Variants in RAMP1 observed in about 807,000 individuals in gnomAD.
RAMP1 encodes the protein receptor activity modifying protein 1, also known as receptor activity-modifying protein 1.
Under a neutral mutation model 8.2 loss-of-function variants are expected in RAMP1, and 7 were observed. The observed-to-expected ratio is 0.85, with a 90% CI of 0.49 to 1.60. RAMP1 has a LOEUF of 1.60. RAMP1 is among the 40% of genes most tolerant of loss of function. RAMP1 has a pLI of 0.00. For missense variants in RAMP1, 192 were observed against 202.4 expected, an observed-to-expected ratio of 0.95 and a Z score of 0.31; for synonymous variants, 92 against 84.7, an observed-to-expected ratio of 1.09 and a Z score of -0.47.
intron 2 of RAMP1, among the ~76,000 whole-genome samples, chr2:237,895,507 C>T (rs1339213040): frequency 6.6e-6 from 1 of 152,176 alleles, no homozygotes; most frequent in Non-Finnish European, 1.5e-5. Context: ...GAGCTCCAAA[C>T]GAGGTGAGAT....
chr2:237,893,516 C>T (rs1420508320), intron 2 of RAMP1, among the ~76,000 whole-genome samples: 1 of 152,194 alleles, frequency 6.6e-6, no homozygotes, highest in Non-Finnish European at 1.5e-5. Flanking sequence ...ATTATTTTTG[C>T]CTTCTTTCAC....
intron 2 of RAMP1, among the ~76,000 whole-genome samples, chr2:237,892,036 T>G (rs575961605): frequency 1.3e-5 from 2 of 152,314 alleles, no homozygotes; most frequent in East Asian, 3.9e-4. Flanking sequence ...TACTTGAAGT[T>G]TACTGGTAAC....
At chr2:237,859,557 C>T, upstream of RAMP1, 4 of 645,862 alleles carry the variant, frequency 6.2e-6, no homozygotes, top group Non-Finnish European at 7.8e-6. Context: ...GCCGCCGCCT[C>T]CCACCGCTCC....
intron 2 of RAMP1, among the ~76,000 whole-genome samples, chr2:237,908,743 T>C (rs1266106245): frequency 6.6e-6 from 1 of 152,180 alleles, no homozygotes; most frequent in African/African-American, 2.4e-5. Flanking sequence ...AGCCAAGGCC[T>C]CTGTTTTCTA....
intron 1 of RAMP1, among the ~76,000 whole-genome samples, chr2:237,869,324 G>T (rs1165800188): frequency 6.6e-6 from 1 of 152,180 alleles, no homozygotes. Context: ...ATTTTTAAGT[G>T]TACAGTTCTA....
chr2:237,886,782 G>T (rs2062437187), intron 2 of RAMP1, among the ~76,000 whole-genome samples: 2 of 152,258 alleles, frequency 1.3e-5, no homozygotes, highest in African/African-American at 2.4e-5. Context: ...ATCCTCCTGA[G>T]TATGGGGATG....
At chr2:237,901,971 G>T (rs1280743666) in intron 2 of RAMP1, among the ~76,000 whole-genome samples, 1 of 152,132 alleles carries the variant, frequency 6.6e-6, no homozygotes, top group Non-Finnish European at 1.5e-5. Context: ...GGAGGGGAGG[G>T]CACCCTTGAG....
chr2:237,907,831 GGTT>G (rs2062668362), intron 2 of RAMP1, among the ~76,000 whole-genome samples: 1 of 152,038 alleles, frequency 6.6e-6, no homozygotes, highest in Non-Finnish European at 1.5e-5. Flanking sequence ...ACAATGGGTT[GGTT>G]GTTTTTTGTT....
intron 1 of RAMP1, among the ~76,000 whole-genome samples, chr2:237,864,838 G>GCAGCA (rs2062170753): frequency 6.6e-6 from 1 of 152,228 alleles, no homozygotes; most frequent in Non-Finnish European, 1.5e-5. Flanking sequence ...AGGAGCAGCG[G>GCAGCA]CAGCACAGTC....
chr2:237,871,376 C>G (rs539630625), intron 1 of RAMP1, among the ~76,000 whole-genome samples: 1 of 152,188 alleles, frequency 6.6e-6, no homozygotes, highest in Non-Finnish European at 1.5e-5. Flanking sequence ...CCCAGCCACA[C>G]AGGAAACGCC....
intron 2 of RAMP1, among the ~76,000 whole-genome samples, chr2:237,911,004 T>TCA (rs904932836): frequency 1.5e-4 from 22 of 149,668 alleles, no homozygotes; most frequent in South Asian, 2.1e-4. Flanking sequence ...CAGAAAATAG[T>TCA]CACACACACG....
intron 2 of RAMP1, among the ~76,000 whole-genome samples, chr2:237,893,861 A>T (rs1029622610): frequency 3.9e-5 from 6 of 151,954 alleles, no homozygotes; most frequent in Admixed American, 2.6e-4. Flanking sequence ...TTGCTCTCGA[A>T]CCCAGGAGGT....
At position 237,876,904 on chromosome 2, in the gene RAMP1, C is replaced by A. The variant is rs151184528; in HGVS notation, c.53-320C>A. On this transcript the variant is annotated intron_variant, in intron 1 of 2. Transcript: ENST00000254661. ...CCAGGTACCCGTGGAACAGGGGCAG[C>A]CAGAGACTGTCTCCGGGCCCCTCTC... Among the ~76,000 whole-genome samples the A allele has an allele frequency of 5.8e-3, 888 of 152,272 alleles. 20 individuals carry two copies. The highest frequency in any genetic ancestry group is 0.05 in the Admixed American group (769 of 15,302).
At chr2:237,900,793 A>G (rs2062589466) in intron 2 of RAMP1, among the ~76,000 whole-genome samples, 1 of 151,974 alleles carries the variant, frequency 6.6e-6, no homozygotes, top group Non-Finnish European at 1.5e-5. Context: ...ACTAATTTTT[A>G]GTTTTCAGTA....
chr2:237,882,103 T>C (rs1209477713), intron 2 of RAMP1, among the ~76,000 whole-genome samples: 3 of 152,210 alleles, frequency 2.0e-5, no homozygotes, highest in Admixed American at 2.0e-4. Context: ...GTTATCTTTT[T>C]CTGGATGCGC....
chr2:237,876,649 C>T (rs969407865), intron 1 of RAMP1, among the ~76,000 whole-genome samples: 1 of 151,094 alleles, frequency 6.6e-6, no homozygotes, highest in African/African-American at 2.5e-5. Flanking sequence ...TCCCCGCCAC[C>T]CCCGCCCCCA....
intron 1 of RAMP1, among the ~76,000 whole-genome samples, chr2:237,860,751 C>G (rs1379900947): frequency 6.6e-6 from 1 of 152,192 alleles, no homozygotes; most frequent in Non-Finnish European, 1.5e-5. Context: ...CTCTTTGGCG[C>G]TGGCACTGGG....
At chr2:237,886,867 G>A (rs190495854) in intron 2 of RAMP1, among the ~76,000 whole-genome samples, 23 of 152,330 alleles carry the variant, frequency 1.5e-4, no homozygotes, top group African/African-American at 5.1e-4. Flanking sequence ...TGAGTGAAAG[G>A]GTGGGCAGGT....
intron 2 of RAMP1, among the ~76,000 whole-genome samples, chr2:237,892,171 T>A (rs2062493262): frequency 6.6e-6 from 1 of 152,208 alleles, no homozygotes; most frequent in Non-Finnish European, 1.5e-5. Flanking sequence ...ATTTTTTCAA[T>A]CTTCAGGCAC....
Sources: allele counts gnomAD v4.1 joint callset (sites outside exome capture counted in the v4.1 genomes callset), GRCh38; gene constraint gnomAD v4.1.1; transcripts MANE v1.5; gene names NCBI Gene and HGNC (gene_info 2026-07-23, HGNC 2026-07-21).